The following PLA2G12A variants were observed in gnomAD, a reference collection of about 807,000 sequenced individuals.
The protein encoded by PLA2G12A is group XIIA secretory phospholipase A2.
A neutral mutation model predicts 16.0 loss-of-function variants in PLA2G12A; 11 were observed. That is an observed-to-expected ratio of 0.69 (90% CI 0.43 to 1.13). PLA2G12A has a LOEUF of 1.13. PLA2G12A is among the 50% of genes most tolerant of loss of function. The probability of loss-of-function intolerance (pLI) is 0.00; values close to 1 mark genes in which losing one functional copy is unlikely to be tolerated. For synonymous variants in PLA2G12A, 77 were observed against 93.8 expected (o/e 0.82, Z 1.03); for missense variants, 214 against 237.3 (o/e 0.90, Z 0.65).
intron 1 of PLA2G12A, among the ~76,000 whole-genome samples, chr4:109,722,315 T>G (rs1415651106): frequency 2.6e-5 from 4 of 152,240 alleles, no homozygotes; most frequent in African/African-American, 9.6e-5. Context: ...TGGATGCTCT[T>G]TCTCCTGACA....
At chr4:109,721,826 A>G (rs901209577) in intron 1 of PLA2G12A, among the ~76,000 whole-genome samples, 3 of 152,072 alleles carry the variant, frequency 2.0e-5, no homozygotes, top group African/African-American at 7.2e-5. Flanking sequence ...ATTTTTGCTT[A>G]TGTTCTTACG....
At position 109,713,844 on chromosome 4, in the gene PLA2G12A, G is replaced by C. The variant is rs1214318967; in HGVS notation, c.*533C>G. 1 of 153,446 alleles carries C rather than the reference G, an allele frequency of 6.5e-6. No homozygotes were observed. Among genetic ancestry groups the C allele is most frequent in the Admixed American group, 6.4e-5 (1 of 15,528 alleles). 9.5% of individuals were successfully genotyped at this position (153,446 alleles called of 1,614,324 possible). A position where few individuals can be genotyped will look rare whatever the true frequency, so the allele number is the denominator to read the frequency against. ...TTACTCATATGCTCAACGGGCTACA[G>C]AGAAACAACATATTATGTTGTACTT... On this transcript the variant is annotated 3_prime_UTR_variant, in exon 4 of 4. Coordinates refer to ENST00000243501, the MANE Select transcript of PLA2G12A (RefSeq NM_030821.5).
At chr4:109,717,438 T>G in intron 3 of PLA2G12A, 110 bp downstream of exon 3, 1 of 1,165,254 alleles carries the variant, frequency 8.6e-7, no homozygotes, top group Non-Finnish European at 1.2e-6. Context: ...TGTGTCACAA[T>G]AGATAATATA....
chr4:109,726,879 G>C (rs1364360709), intron 1 of PLA2G12A, among the ~76,000 whole-genome samples: 2 of 151,314 alleles, frequency 1.3e-5, no homozygotes, highest in African/African-American at 4.9e-5. Context: ...CTCAGGTAAA[G>C]CAAGGACATG....
intron 1 of PLA2G12A, among the ~76,000 whole-genome samples, chr4:109,721,611 T>C (rs1730945947): frequency 6.6e-6 from 1 of 152,112 alleles, no homozygotes; most frequent in Non-Finnish European, 1.5e-5. Context: ...TGAGCCACCA[T>C]GCCCGGCCCA....
chr4:109,714,950 C>T (rs972184799), intron 3 of PLA2G12A, among the ~76,000 whole-genome samples: 6 of 138,606 alleles, frequency 4.3e-5, no homozygotes, highest in Admixed American at 1.5e-4. Flanking sequence ...ACACCACACC[C>T]AGCTATTTTT....
At chr4:109,729,455 G>A (rs1052482910) in intron 1 of PLA2G12A, 147 bp downstream of exon 1, 1 of 830,554 alleles carries the variant, frequency 1.2e-6, no homozygotes, top group African/African-American at 1.7e-5. Context: ...TCACTAGAAC[G>A]GCAAGATTCT....
Position 109,729,706 on chromosome 4 carries a change from A to G in PLA2G12A, c.104T>C (p.Leu35Pro), listed in dbSNP as rs759778478. The change falls in exon 1 of 4, where the codon CTG (leucine) becomes CCG (proline). Residue 35 changes from leucine (L) to proline (P), a missense_variant. Coordinates refer to ENST00000243501, the MANE Select transcript of PLA2G12A (RefSeq NM_030821.5). ...QAQTTDWRAT[L>P]KTIRNGVHKI... is the part of the protein sequence containing the mutation. ...ATGAACGCCGTTCCGGATGGTCTTC[A>G]GGGTGGCTCTCCAGTCGGTGGTCTG... 6.2e-7 allele frequency: 1 copy of G among 1,610,052 alleles called. No individual in the cohort carries two copies. Among genetic ancestry groups the G allele is most frequent in the Non-Finnish European group, 8.5e-7 (1 of 1,179,070 alleles).
In PLA2G12A at chr4:109,710,100, G is replaced by A. The variant is rs1035926290; in HGVS notation, c.*4277C>T. The A allele has an allele frequency of 6.6e-6, 1 of 152,126 alleles. No homozygotes were observed. The highest frequency in any genetic ancestry group is 2.4e-5 in the African/African-American group (1 of 41,426). 9.4% of individuals were successfully genotyped at this position (152,126 alleles called of 1,614,324 possible). On this transcript the variant is annotated 3_prime_UTR_variant, in exon 4 of 4. Coordinates refer to ENST00000243501, the MANE Select transcript of PLA2G12A (RefSeq NM_030821.5). Reference sequence around the variant, plus strand: ...GCTGGTTTTTGTAGGATTAAGCAGTGAGGAAAAACAGCAAACTAAAAATGC... The same window carrying A: ...GCTGGTTTTTGTAGGATTAAGCAGTAAGGAAAAACAGCAAACTAAAAATGC...
chr4:109,729,455 G>C (rs1052482910), intron 1 of PLA2G12A, 147 bp downstream of exon 1: 18 of 830,556 alleles, frequency 2.2e-5, no homozygotes, highest in South Asian at 3.7e-5. Context: ...TCACTAGAAC[G>C]GCAAGATTCT....
chr4:109,727,370 C>CA (rs1371554511), intron 1 of PLA2G12A, among the ~76,000 whole-genome samples: 7 of 152,058 alleles, frequency 4.6e-5, no homozygotes, highest in Non-Finnish European at 1.0e-4. Flanking sequence ...CTCAGCCTCC[C>CA]AAAGTGCTGG....
chr4:109,726,874 G>A (rs1409016433), intron 1 of PLA2G12A, among the ~76,000 whole-genome samples: 1 of 151,254 alleles, frequency 6.6e-6, no homozygotes, highest in African/African-American at 2.4e-5. Flanking sequence ...AGTCCCTCAG[G>A]TAAAGCAAGG....
At chr4:109,723,673 T>G (rs1331255078) in intron 1 of PLA2G12A, among the ~76,000 whole-genome samples, 1 of 152,218 alleles carries the variant, frequency 6.6e-6, no homozygotes, top group Non-Finnish European at 1.5e-5. Context: ...AAACTCTCTT[T>G]CGTCAGGGGT....
At chr4:109,728,678 GTTCCT>G (rs1722985052) in intron 1 of PLA2G12A, among the ~76,000 whole-genome samples, 1 of 152,196 alleles carries the variant, frequency 6.6e-6, no homozygotes, top group Non-Finnish European at 1.5e-5. Context: ...CATGATACCA[GTTCCT>G]TTTAAGTTCA....
At chr4:109,715,896 G>C (rs1389669437) in intron 3 of PLA2G12A, among the ~76,000 whole-genome samples, 3 of 152,224 alleles carry the variant, frequency 2.0e-5, no homozygotes, top group South Asian at 4.1e-4. Flanking sequence ...CAGAGATATA[G>C]CACAGAGTGG....
At chr4:109,720,638 TATATATG>T (rs1396676282) in intron 1 of PLA2G12A, among the ~76,000 whole-genome samples, 1 of 108,470 alleles carries the variant, frequency 9.2e-6, no homozygotes, top group African/African-American at 3.6e-5. Flanking sequence ...TATATATATA[TATATATG>T]AATTTTAAAA....
chr4:109,717,945 T>C (rs1038459431), intron 2 of PLA2G12A, among the ~76,000 whole-genome samples: 1 of 152,192 alleles, frequency 6.6e-6, no homozygotes, highest in Non-Finnish European at 1.5e-5. Context: ...TCTGCAGCGT[T>C]AGAACACTCA....
chr4:109,721,815 C>T (rs777348505), intron 1 of PLA2G12A, among the ~76,000 whole-genome samples: 5 of 152,096 alleles, frequency 3.3e-5, no homozygotes, highest in Admixed American at 2.0e-4. Context: ...AAATGTCAGA[C>T]ATTTTTGCTT....
chr4:109,722,130 CAAAGTCTAT>C (rs1722782715), intron 1 of PLA2G12A, among the ~76,000 whole-genome samples: 1 of 152,202 alleles, frequency 6.6e-6, no homozygotes, highest in Non-Finnish European at 1.5e-5. Context: ...GAACAAAAGC[CAAAGTCTAT>C]AAAGCCTATG....
Sources: gnomAD v4.1 joint callset for allele counts (sites outside exome capture counted in the v4.1 genomes callset) on GRCh38, gnomAD v4.1.1 for gene constraint, MANE v1.5 for transcripts, NCBI Gene and HGNC (gene_info 2026-07-23, HGNC 2026-07-21) for gene names.